EBF3: variants seen among roughly 807,000 people sequenced by gnomAD.
EBF3 encodes EBF transcription factor 3, also known as transcription factor COE3.
Under a neutral mutation model 77.1 loss-of-function variants are expected in EBF3, and 18 were observed. The observed-to-expected ratio is 0.23, with a 90% CI of 0.16 to 0.35. The LOEUF is 0.35. Ranked by LOEUF, EBF3 falls within the 10% of genes least tolerant of loss-of-function variation. The pLI is 1.00. For missense variants in EBF3, 558 were observed against 860.0 expected, an observed-to-expected ratio of 0.65 and a Z score of 4.39; for synonymous variants, 350 against 343.5, an observed-to-expected ratio of 1.02 and a Z score of -0.21.
At chr10:129,962,890 G>A in intron 3 of EBF3, 52 bp downstream of exon 3, 1 of 1,601,366 alleles carries the variant, frequency 6.2e-7, no homozygotes, top group Non-Finnish European at 8.6e-7. Context: ...CACCAGCGCA[G>A]AAAAGGAGAG....
intron 6 of EBF3, among the ~76,000 whole-genome samples, chr10:129,901,654 T>C (rs2134245589): frequency 6.6e-6 from 1 of 152,352 alleles, no homozygotes; most frequent in East Asian, 1.9e-4. Flanking sequence ...AAGAGGGAAT[T>C]TGCTTTCCTA....
intron 10 of EBF3, among the ~76,000 whole-genome samples, chr10:129,865,817 C>T (rs1851969617): frequency 6.6e-6 from 1 of 152,200 alleles, no homozygotes; most frequent in African/African-American, 2.4e-5. Flanking sequence ...TCCATGTCAC[C>T]CGCTCTCTGG....
At chr10:129,922,606 C>G (rs1011102347) in intron 6 of EBF3, among the ~76,000 whole-genome samples, 1 of 152,240 alleles carries the variant, frequency 6.6e-6, no homozygotes, top group Admixed American at 6.5e-5. Context: ...GCTCTCTTCC[C>G]GGCTCTCGCC....
rs1554892382 is a variant in EBF3, at chr10:129,841,042, T to TTCC, written c.1373-11_1373-10insGGA. ...TTGCGACTGTAGCCGACTGTTGAAA[T>TTCC]CCCCCCCCCGGCCAAAAATAACATT... On this transcript the variant is annotated splice_polypyrimidine_tract_variant and intron_variant, in intron 13 of 16. Transcript: ENST00000440978. This position sits in a 1 kb window ranked among gnomAD's most constrained non-coding sequence, Gnocchi z 4.6. The TTCC allele has an allele frequency of 6.0e-6, 9 of 1,510,112 alleles. No homozygotes were observed. Among genetic ancestry groups the TTCC allele is most frequent in the South Asian group, 2.6e-5 (2 of 76,976 alleles). 93.5% of individuals were successfully genotyped at this position (1,510,112 alleles called of 1,614,324 possible).
At position 129,840,560 on chromosome 10, in the gene EBF3, C is replaced by T. The variant is rs1192865671; in HGVS notation, c.1562-118G>A. The T allele has an allele frequency of 4.3e-5, 51 of 1,187,866 alleles. 1 individual carries two copies. The South Asian group carries it at 6.6e-4, about 15-fold the overall frequency. The allele number at this position is 1,187,866 out of a possible 1,614,324, so 73.6% of individuals were successfully genotyped here. ...GGGCACGAAAACAAAACATGACATG[C>T]GTCTGGCTCGGCCACGCTCTGGATA... is the stretch of plus-strand genomic sequence containing the variant. On this transcript the variant is annotated intron_variant, in intron 14 of 16. Coordinates refer to ENST00000440978, the MANE Select transcript of EBF3 (RefSeq NM_001375380.1).
At chr10:129,875,187 CTTTTT>C (rs1193539598) in intron 7 of EBF3, among the ~76,000 whole-genome samples, 1,112 of 92,926 alleles carry the variant, frequency 0.012, 36 homozygotes, top group African/African-American at 0.043. Flanking sequence ...ATGGCTTCTT[CTTTTT>C]TTTTTTTTTT....
At chr10:129,854,384 C>T (rs984427157) in intron 10 of EBF3, among the ~76,000 whole-genome samples, 1 of 152,082 alleles carries the variant, frequency 6.6e-6, no homozygotes, top group African/African-American at 2.4e-5. Flanking sequence ...TGGCTCCTCA[C>T]ATGGATGAAA....
rs1849591800 is a variant in EBF3, at chr10:129,836,026, CCT to C, written c.*1915_*1916del. 1 of 152,536 alleles carries C rather than the reference CCT, an allele frequency of 6.6e-6. No individual in the cohort carries two copies. The highest frequency in any genetic ancestry group is 2.1e-4 in the South Asian group (1 of 4,824). The allele number at this position is 152,536 out of a possible 1,614,324, so 9.4% of individuals were successfully genotyped here. ...AGCAGTGATTTGGGTCCCCCTGAAACCTCTGTGAATCGGAGGTGGGCCCAGGA... is the reference window on the plus strand; with the variant it reads ...AGCAGTGATTTGGGTCCCCCTGAAACCTGTGAATCGGAGGTGGGCCCAGGA... On this transcript the variant is annotated 3_prime_UTR_variant, in exon 17 of 17. Transcript: ENST00000440978.
At chr10:129,839,291 A>C in intron 15 of EBF3, 96 bp from the exon 16 acceptor site, 1 of 545,618 alleles carries the variant, frequency 1.8e-6, no homozygotes, top group Non-Finnish European at 3.2e-6. Flanking sequence ...GCATATACCA[A>C]AGGTGGTGTC....
At chr10:129,936,228 A>G (rs1332251975) in intron 6 of EBF3, among the ~76,000 whole-genome samples, 1 of 152,228 alleles carries the variant, frequency 6.6e-6, no homozygotes, top group South Asian at 2.1e-4. Flanking sequence ...AGTCAGGCCC[A>G]GGGAAGGTGA....
At chr10:129,867,761 T>C in intron 9 of EBF3, 21 bp downstream of exon 9, 2 of 1,613,118 alleles carry the variant, frequency 1.2e-6, no homozygotes, top group Non-Finnish European at 1.7e-6. Flanking sequence ...AGCGCGAAGC[T>C]GACCGAGTCC....
chr10:129,874,626 C>A (rs1169602652), intron 7 of EBF3, among the ~76,000 whole-genome samples: 3 of 152,162 alleles, frequency 2.0e-5, no homozygotes, highest in African/African-American at 7.2e-5. Context: ...CCAGCTCTGA[C>A]CTGAAGGAAG....
In EBF3 at chr10:129,848,298, A is replaced by G; in HGVS notation, c.1128+94T>C. ...GGGCACAGAGTTTGGGGAATCTGCA[A>G]TCCCCCCTTCCCAGAGCACCTGCTG... is the stretch of plus-strand genomic sequence containing the variant. On this transcript the variant is annotated intron_variant, in intron 11 of 16. Coordinates refer to ENST00000440978, the MANE Select transcript of EBF3 (RefSeq NM_001375380.1). This position sits in a 1 kb window ranked among gnomAD's most constrained non-coding sequence, Gnocchi z 4.4. 3 of 1,305,592 alleles carry G rather than the reference A, an allele frequency of 2.3e-6. No individual in the cohort carries two copies. The highest frequency in any genetic ancestry group is 1.1e-6 in the Non-Finnish European group (1 of 901,096). The allele number at this position is 1,305,592 out of a possible 1,614,324, so 80.9% of individuals were successfully genotyped here.
chr10:129,838,323 C>A (rs1849752930), intron 16 of EBF3, among the ~76,000 whole-genome samples: 1 of 152,280 alleles, frequency 6.6e-6, no homozygotes, highest in South Asian at 2.1e-4. Flanking sequence ...CCGGAGCCCC[C>A]TCTGTCGAGA....
intron 6 of EBF3, among the ~76,000 whole-genome samples, chr10:129,901,101 T>A (rs1228333349): frequency 6.6e-6 from 1 of 152,214 alleles, no homozygotes; most frequent in Non-Finnish European, 1.5e-5. Context: ...GCTCTTGACA[T>A]CTAAGTGGGT....
In EBF3 at chr10:129,920,000, A is replaced by G. The variant is rs943269641; in HGVS notation, c.554+37258T>C. On this transcript the variant is annotated intron_variant, in intron 6 of 16. Transcript: ENST00000440978. The stretch of plus-strand genomic sequence containing the variant: ...GGGCGAGTATCTCCAGGAGGGCCAT[A>G]AACCCGCCCCACTGTGCGGTCTAGG... Among the ~76,000 whole-genome samples the G allele has an allele frequency of 2.0e-5, 3 of 146,560 alleles. 1 individual carries two copies. The highest frequency in any genetic ancestry group is 7.8e-5 in the African/African-American group (3 of 38,610).
At chr10:129,958,630 T>C (rs1478473142) in intron 5 of EBF3, among the ~76,000 whole-genome samples, 1 of 152,208 alleles carries the variant, frequency 6.6e-6, no homozygotes, top group Non-Finnish European at 1.5e-5. Context: ...GAGTGATCCC[T>C]GACTCCTCCG....
At chr10:129,904,762 G>A (rs916748541) in intron 6 of EBF3, among the ~76,000 whole-genome samples, 2 of 146,714 alleles carry the variant, frequency 1.4e-5, no homozygotes, top group Non-Finnish European at 3.0e-5. Context: ...CCACCCTTTA[G>A]AGCAGGAATA....
chr10:129,849,219 C>T (rs1278006280), intron 10 of EBF3, among the ~76,000 whole-genome samples: 1 of 152,188 alleles, frequency 6.6e-6, no homozygotes, highest in Non-Finnish European at 1.5e-5. Context: ...AAGGAGCCAT[C>T]GGGCTTTATT....
Sources: allele counts gnomAD v4.1 joint callset (sites outside exome capture counted in the v4.1 genomes callset), GRCh38; gene constraint gnomAD v4.1.1; non-coding constraint Gnocchi (gnomAD v3.1); transcripts MANE v1.5; gene names NCBI Gene and HGNC (gene_info 2026-07-23, HGNC 2026-07-21).